The following LINGO2 variants were observed in gnomAD, a reference collection of about 807,000 sequenced individuals.
The protein encoded by LINGO2 is leucine rich repeat and Ig domain containing 2.
A neutral mutation model predicts 30.6 loss-of-function variants in LINGO2; 14 were observed. The observed-to-expected ratio is 0.46, with a 90% CI of 0.30 to 0.72. The LOEUF (loss-of-function observed/expected upper bound fraction) is 0.72. LINGO2 is among the 30% of genes least tolerant of loss of function. The pLI, the probability that LINGO2 is intolerant of heterozygous loss-of-function variation, is 0.07. For missense variants in LINGO2, 729 were observed against 751.7 expected (o/e 0.97, Z 0.35); for synonymous variants, 317 against 288.5 (o/e 1.10, Z -1.00).
the LINGO2 span, among the ~76,000 whole-genome samples, chr9:28,920,274 G>A: frequency 1.3e-5 from 2 of 151,684 alleles, no homozygotes; most frequent in Non-Finnish European, 2.9e-5. Flanking sequence ...TAATACAGTT[G>A]CATCTTTATA....
intron 4 of LINGO2, among the ~76,000 whole-genome samples, chr9:28,223,354 G>A (rs1420356185): frequency 1.3e-5 from 2 of 152,246 alleles, no homozygotes; most frequent in South Asian, 2.1e-4. Context: ...ATGGAAGAAG[G>A]CATAAGGGCA....
intron 4 of LINGO2, among the ~76,000 whole-genome samples, chr9:28,029,706 A>T (rs899704036): frequency 3.9e-5 from 6 of 152,200 alleles, no homozygotes; most frequent in Non-Finnish European, 5.9e-5. Context: ...AATATGTGAA[A>T]ATTGTTAGCT....
At chr9:28,972,846 T>C in the LINGO2 span, among the ~76,000 whole-genome samples, 1 of 152,144 alleles carries the variant, frequency 6.6e-6, no homozygotes, top group Non-Finnish European at 1.5e-5. Context: ...GTGAGACTTA[T>C]TCACTGTCAC....
At chr9:28,360,367 C>A (rs1820393264) in intron 3 of LINGO2, among the ~76,000 whole-genome samples, 1 of 152,146 alleles carries the variant, frequency 6.6e-6, no homozygotes, top group Non-Finnish European at 1.5e-5. Flanking sequence ...ATCAAGGAAC[C>A]TATACCTGCA....
chr9:28,277,461 T>C (rs1823156790), intron 4 of LINGO2, among the ~76,000 whole-genome samples: 1 of 152,090 alleles, frequency 6.6e-6, no homozygotes, highest in Non-Finnish European at 1.5e-5. Flanking sequence ...TACTGCCCTT[T>C]AACTGTTCAA....
chr9:28,865,840 T>C, the LINGO2 span, among the ~76,000 whole-genome samples: 1 of 152,136 alleles, frequency 6.6e-6, no homozygotes. Flanking sequence ...AAAGAGATCT[T>C]AAGTGGCTCT....
chr9:28,005,474 A>G (rs1032551186), intron 5 of LINGO2, among the ~76,000 whole-genome samples: 38 of 151,826 alleles, frequency 2.5e-4, no homozygotes, highest in African/African-American at 9.2e-4. Context: ...TTTTCCCTCT[A>G]CTTTTCTTCC....
At chr9:27,989,137 T>C (rs1012422300) in intron 5 of LINGO2, among the ~76,000 whole-genome samples, 1 of 151,946 alleles carries the variant, frequency 6.6e-6, no homozygotes, top group Non-Finnish European at 1.5e-5. Context: ...AAATTTGCAA[T>C]CCTTCTTTCT....
intron 4 of LINGO2, among the ~76,000 whole-genome samples, chr9:28,059,685 T>C (rs1021928701): frequency 3.9e-5 from 6 of 152,118 alleles, no homozygotes; most frequent in African/African-American, 7.2e-5. Flanking sequence ...CACATTTATA[T>C]AAATATATTC....
chr9:29,113,138 C>T, the LINGO2 span, among the ~76,000 whole-genome samples: 1 of 152,136 alleles, frequency 6.6e-6, no homozygotes, highest in South Asian at 2.1e-4. Flanking sequence ...ATAAACCATG[C>T]ATGGATTTCA....
chr9:28,306,507 C>A (rs1241644434), intron 3 of LINGO2, among the ~76,000 whole-genome samples: 1 of 151,766 alleles, frequency 6.6e-6, no homozygotes, highest in African/African-American at 2.4e-5. Context: ...CCTAACATCA[C>A]AATTAAAAGA....
At chr9:28,767,785 CAAAAAAAA>C in the LINGO2 span, among the ~76,000 whole-genome samples, 1 of 97,076 alleles carries the variant, frequency 1.0e-5, no homozygotes, top group African/African-American at 3.6e-5. Flanking sequence ...GACTCCATTT[CAAAAAAAA>C]AAAAAAAAAA....
intron 1 of LINGO2, among the ~76,000 whole-genome samples, chr9:28,592,905 G>A (rs541530489): frequency 1.3e-5 from 2 of 151,908 alleles, no homozygotes; most frequent in East Asian, 3.9e-4. Flanking sequence ...CCCATCTATT[G>A]GCTCTCTGCC....
intron 1 of LINGO2, among the ~76,000 whole-genome samples, chr9:28,588,072 G>A (rs1824656543): frequency 6.6e-6 from 1 of 151,956 alleles, no homozygotes; most frequent in Admixed American, 6.6e-5. Flanking sequence ...TTTATCTCCA[G>A]ATACAAATCC....
At chr9:28,861,558 A>G in the LINGO2 span, among the ~76,000 whole-genome samples, 1 of 150,686 alleles carries the variant, frequency 6.6e-6, no homozygotes, top group African/African-American at 2.4e-5. Flanking sequence ...ATGAGTATCT[A>G]GTGAGATTGT....
the LINGO2 span, among the ~76,000 whole-genome samples, chr9:29,121,444 C>T: frequency 1.6e-4 from 24 of 152,074 alleles, no homozygotes; most frequent in East Asian, 3.1e-3. Flanking sequence ...TAAACTTATA[C>T]CAAAGCAAAC....
chr9:28,254,154 C>G (rs1039037783), intron 4 of LINGO2, among the ~76,000 whole-genome samples: 1 of 152,010 alleles, frequency 6.6e-6, no homozygotes, highest in Non-Finnish European at 1.5e-5. Flanking sequence ...GAATTAAATT[C>G]TATTATCTTT....
chr9:28,417,823 G>T (rs1285767646), intron 2 of LINGO2, among the ~76,000 whole-genome samples: 1 of 152,150 alleles, frequency 6.6e-6, no homozygotes, highest in East Asian at 1.9e-4. Context: ...TGAAAGTAAA[G>T]ACTCAGTTGT....
chr9:28,194,555 C>G (rs1402396750), intron 4 of LINGO2, among the ~76,000 whole-genome samples: 5 of 102,544 alleles, frequency 4.9e-5, no homozygotes, highest in Non-Finnish European at 1.0e-4. Flanking sequence ...CCTAAACTCT[C>G]TATCCTAAAA....
Sources: gnomAD v4.1 joint callset for allele counts (sites outside exome capture counted in the v4.1 genomes callset) on GRCh38, gnomAD v4.1.1 for gene constraint, MANE v1.5 for transcripts, NCBI Gene and HGNC (gene_info 2026-07-23, HGNC 2026-07-21) for gene names.